The following CFAP58 variants were observed in gnomAD, a reference collection of about 807,000 sequenced individuals.
The protein encoded by CFAP58 is cilia- and flagella-associated protein 58.
Under a neutral mutation model 119.5 loss-of-function variants are expected in CFAP58, and 88 were observed. That is an observed-to-expected ratio of 0.74 (90% CI 0.62 to 0.88). CFAP58 has a LOEUF of 0.88. Ranked by LOEUF, CFAP58 falls within the 40% of genes least tolerant of loss-of-function variation. The probability of loss-of-function intolerance (pLI) is 0.00; values close to 1 mark genes in which losing one functional copy is unlikely to be tolerated. For missense variants in CFAP58, 990 were observed against 1,021.2 expected, an observed-to-expected ratio of 0.97 and a Z score of 0.42; for synonymous variants, 365 against 366.3, an observed-to-expected ratio of 1.00 and a Z score of 0.04.
At chr10:104,428,829 A>G (rs956503270) in intron 15 of CFAP58, among the ~76,000 whole-genome samples, 13 of 152,154 alleles carry the variant, frequency 8.5e-5, no homozygotes, top group African/African-American at 3.1e-4. Context: ...ATGACTTGCG[A>G]TGGAGGTTGG....
At position 104,358,496 on chromosome 10, in the gene CFAP58, C is replaced by T; in HGVS notation, c.165C>T (p.Asp55=). ...RLHAVMKKSY[D]NEKRLMAKCR... is the part of the protein sequence containing the mutation. Reference sequence around the variant, plus strand: ...ATGCTGTCATGAAAAAGTCTTATGACAATGAAAAGCGTCTGATGGCCAAAT... The same window carrying T: ...ATGCTGTCATGAAAAAGTCTTATGATAATGAAAAGCGTCTGATGGCCAAAT... The change falls in exon 2 of 18, where the codon GAC becomes GAT. Residue 55 remains aspartate, a synonymous_variant. Coordinates refer to ENST00000369704, the MANE Select transcript of CFAP58 (RefSeq NM_001008723.2). 1 of 1,614,050 alleles carries T rather than the reference C, an allele frequency of 6.2e-7. No individual in the cohort carries two copies. The highest frequency in any genetic ancestry group is 8.5e-7 in the Non-Finnish European group (1 of 1,180,018).
At chr10:104,395,773 C>A (rs1349590031) in intron 11 of CFAP58, among the ~76,000 whole-genome samples, 1 of 152,148 alleles carries the variant, frequency 6.6e-6, no homozygotes. Context: ...CTCATTATTG[C>A]GAGTTGTACG....
intron 15 of CFAP58, among the ~76,000 whole-genome samples, chr10:104,441,681 G>A (rs957583042): frequency 1.4e-4 from 22 of 152,222 alleles, no homozygotes; most frequent in African/African-American, 5.3e-4. Context: ...GTTAGTGCAT[G>A]CAAATTTCTC....
At chr10:104,429,255 A>C (rs905385008) in intron 15 of CFAP58, among the ~76,000 whole-genome samples, 1 of 152,084 alleles carries the variant, frequency 6.6e-6, no homozygotes, top group East Asian at 1.9e-4. Flanking sequence ...GAAGGAGAGC[A>C]ATGAAATCAG....
Position 104,397,572 on chromosome 10 carries a change from G to GGTTTC in CFAP58, c.1675-1787_1675-1783dup, listed in dbSNP as rs1363281208. Among the ~76,000 whole-genome samples the GGTTTC allele has an allele frequency of 2.0e-5, 3 of 152,176 alleles. No homozygotes were observed. The East Asian group carries it at 5.8e-4, about 29-fold the overall frequency. On this transcript the variant is annotated intron_variant, in intron 11 of 17. Coordinates refer to ENST00000369704, the MANE Select transcript of CFAP58 (RefSeq NM_001008723.2). ...GGTTCAAAGGCACTTAAAAGTATGA[G>GGTTTC]GTTTCCATCATCTTGGTGTCATTTC...
chr10:104,390,280 G>A (rs2012005877), intron 9 of CFAP58, among the ~76,000 whole-genome samples: 1 of 152,116 alleles, frequency 6.6e-6, no homozygotes, highest in African/African-American at 2.4e-5. Flanking sequence ...CACTCTATAG[G>A]ATATTATGCA....
At chr10:104,395,952 A>G (rs1465118232) in intron 11 of CFAP58, among the ~76,000 whole-genome samples, 1 of 152,162 alleles carries the variant, frequency 6.6e-6, no homozygotes, top group African/African-American at 2.4e-5. Context: ...TTCAGCAGAC[A>G]AATCTTGTCC....
At chr10:104,420,564 C>A (rs2012639085) in intron 15 of CFAP58, among the ~76,000 whole-genome samples, 1 of 151,934 alleles carries the variant, frequency 6.6e-6, no homozygotes, top group Non-Finnish European at 1.5e-5. Context: ...GGAGATGAAA[C>A]AATCTGTATA....
chr10:104,401,455 C>T (rs573451359), intron 13 of CFAP58, among the ~76,000 whole-genome samples: 5 of 152,200 alleles, frequency 3.3e-5, no homozygotes, highest in Non-Finnish European at 5.9e-5. Flanking sequence ...TAGCTTAGTG[C>T]GCCTTCTTCT....
intron 9 of CFAP58, among the ~76,000 whole-genome samples, chr10:104,383,541 C>T (rs112922456): frequency 3.0e-3 from 456 of 152,236 alleles, no homozygotes; most frequent in Non-Finnish European, 5.5e-3. Flanking sequence ...CTGTTTTTCA[C>T]AAGTTCTGAT....
upstream of CFAP58, chr10:104,353,665 G>A: frequency 1.9e-6 from 1 of 528,624 alleles, no homozygotes; most frequent in Non-Finnish European, 3.4e-6. Flanking sequence ...ATATTTCTCT[G>A]AGGAACCCTG....
At chr10:104,414,434 A>G (rs1049678527) in intron 15 of CFAP58, among the ~76,000 whole-genome samples, 1 of 152,104 alleles carries the variant, frequency 6.6e-6, no homozygotes, top group Non-Finnish European at 1.5e-5. Context: ...TCCTTGATAG[A>G]TGTGCAGAGC....
chr10:104,353,849 C>A lies in CFAP58; in HGVS notation c.-49C>A. On this transcript the variant is annotated 5_prime_UTR_variant, in exon 1 of 18. Coordinates refer to ENST00000369704, the MANE Select transcript of CFAP58 (RefSeq NM_001008723.2). ...TTCTTTCCCAGACTCCGGCCCAGCT[C>A]CTGCGATCTCCACAGCAGCCTCTGA... 1 of 1,599,320 alleles carries A rather than the reference C, an allele frequency of 6.3e-7. No homozygotes were observed. Among genetic ancestry groups the A allele is most frequent in the Non-Finnish European group, 8.6e-7 (1 of 1,169,256 alleles).
intron 15 of CFAP58, among the ~76,000 whole-genome samples, chr10:104,411,216 T>A (rs1394945813): frequency 6.6e-6 from 1 of 152,168 alleles, no homozygotes; most frequent in Non-Finnish European, 1.5e-5. Context: ...TTAATCTTAA[T>A]CTTCTTGTTC....
Position 104,393,309 on chromosome 10 carries a change from T to G in CFAP58, c.1528-20T>G. The G allele has an allele frequency of 6.2e-7, 1 of 1,602,602 alleles. No individual in the cohort carries two copies. Among genetic ancestry groups the G allele is most frequent in the Non-Finnish European group, 8.5e-7 (1 of 1,171,248 alleles). Reference sequence around the variant, plus strand: ...TGATGTCTAATTCACTTTCAAACATTTCTCCTTTCATTTGGTTAGGATGAA... The same window carrying G: ...TGATGTCTAATTCACTTTCAAACATGTCTCCTTTCATTTGGTTAGGATGAA... On this transcript the variant is annotated intron_variant, in intron 10 of 17. Coordinates refer to ENST00000369704, the MANE Select transcript of CFAP58 (RefSeq NM_001008723.2).
chr10:104,450,197 C>T lies in CFAP58; in HGVS notation c.2503C>T (p.Leu835Phe). The stretch of plus-strand genomic sequence containing the variant: ...CCTCGCTCAGAAACGTAAAGAACAA[C>T]TTCAAAAGTAAGAATTAGTCAAACG... ...KYLAQKRKEQ[L>F]QKNKDTAPMD... Residue 835 changes from leucine (L) to phenylalanine (F), a missense_variant, in exon 17 of 18, where the codon CTT (leucine) becomes TTT (phenylalanine). Leu to Phe is a conservative substitution (Grantham distance 22, BLOSUM62 0). Coordinates refer to ENST00000369704, the MANE Select transcript of CFAP58 (RefSeq NM_001008723.2). 1 of 1,611,634 alleles carries T rather than the reference C, an allele frequency of 6.2e-7. No homozygotes were observed. The highest frequency in any genetic ancestry group is 2.2e-5 in the East Asian group (1 of 44,824).
At chr10:104,397,530 G>A (rs2012186463) in intron 11 of CFAP58, among the ~76,000 whole-genome samples, 1 of 152,186 alleles carries the variant, frequency 6.6e-6, no homozygotes, top group African/African-American at 2.4e-5. Context: ...GAGACAGACC[G>A]TAACTAAAGT....
chr10:104,344,840 A>T, the CFAP58 span, among the ~76,000 whole-genome samples: 1 of 152,222 alleles, frequency 6.6e-6, no homozygotes, highest in Admixed American at 6.5e-5. Context: ...GGTATTGGCA[A>T]GAAAGCAACA....
At chr10:104,439,980 C>T (rs560514205) in intron 15 of CFAP58, among the ~76,000 whole-genome samples, 1 of 152,094 alleles carries the variant, frequency 6.6e-6, no homozygotes, top group African/African-American at 2.4e-5. Flanking sequence ...CCACCAGGCC[C>T]GGCTAATTTT....
Sources: allele counts gnomAD v4.1 joint callset (sites outside exome capture counted in the v4.1 genomes callset), GRCh38; gene constraint gnomAD v4.1.1; transcripts MANE v1.5; gene names NCBI Gene and HGNC (gene_info 2026-07-23, HGNC 2026-07-21).